The following C1orf105 variants were observed in gnomAD, a reference collection of about 807,000 sequenced individuals.
C1orf105 encodes the protein chromosome 1 open reading frame 105, also known as uncharacterized protein C1orf105.
In C1orf105, 17 loss-of-function variants were observed where a neutral mutation model predicts 20.8. The observed-to-expected ratio is 0.82, with a 90% CI of 0.56 to 1.23. The LOEUF is 1.23. Ranked by LOEUF, C1orf105 falls within the 50% of genes most tolerant of loss-of-function variation. The probability of loss-of-function intolerance (pLI) is 0.00; values close to 1 mark genes in which losing one functional copy is unlikely to be tolerated. For missense variants in C1orf105, 219 were observed against 213.5 expected (o/e 1.03, Z -0.16); for synonymous variants, 72 against 72.1 (o/e 1.00, Z 0.01).
At chr1:172,447,740 T>A (rs2149176219) in intron 2 of C1orf105, among the ~76,000 whole-genome samples, 1 of 152,334 alleles carries the variant, frequency 6.6e-6, no homozygotes, top group Non-Finnish European at 1.5e-5. Flanking sequence ...AGAGGAGGTG[T>A]GTTCCCGGCA....
At chr1:172,430,266 A>G in intron 1 of C1orf105, 1 of 694,952 alleles carries the variant, frequency 1.4e-6, no homozygotes, top group Non-Finnish European at 2.6e-6. Context: ...CAACTGTCAT[A>G]CTACTTTATA....
At chr1:172,439,120 A>G (rs1244901929) in intron 1 of C1orf105, among the ~76,000 whole-genome samples, 1 of 152,212 alleles carries the variant, frequency 6.6e-6, no homozygotes, top group African/African-American at 2.4e-5. Flanking sequence ...ACCGAACCTC[A>G]GTATCTCCAA....
chr1:172,432,379 G>T lies in C1orf105; in HGVS notation c.21+11473G>T, dbSNP rs539087337. On this transcript the variant is annotated intron_variant, in intron 1 of 6. Coordinates refer to ENST00000367727, the MANE Select transcript of C1orf105 (RefSeq NM_139240.4). ...CTCATACAGGTGGGTGCCTCTCTGG[G>T]ACGAAGATTCCAGAGGAAGGATCAG... Among the ~76,000 whole-genome samples, 17 of 152,296 alleles carry T rather than the reference G, an allele frequency of 1.1e-4. No individual in the cohort carries two copies. In the South Asian group the frequency reaches 3.5e-3, roughly 32 times the overall value.
At chr1:172,468,066 A>T (rs2149198551) in intron 6 of C1orf105, among the ~76,000 whole-genome samples, 5 of 152,264 alleles carry the variant, frequency 3.3e-5, no homozygotes, top group Admixed American at 3.3e-4. Flanking sequence ...AAGTCTCCTG[A>T]GAATTGAATC....
intron 3 of C1orf105, chr1:172,452,679 A>G (rs1648785257): frequency 1.6e-6 from 1 of 618,600 alleles, no homozygotes; most frequent in Non-Finnish European, 2.0e-6. Context: ...GGGTATGAGG[A>G]TGTTTCCAAT....
In C1orf105 at chr1:172,452,947, G is replaced by A. The variant is rs952043860; in HGVS notation, c.199-3468G>A. On this transcript the variant is annotated intron_variant, in intron 3 of 6. Transcript: ENST00000367727. ...CTGCTGAGCTGGTCGTAAGGAAACC[G>A]AGTGAGAAGGGAATGCAACAGAAGA... 53 of 1,537,848 alleles carry A rather than the reference G, an allele frequency of 3.4e-5. No homozygotes were observed. In the Middle Eastern group the frequency reaches 2.3e-3, roughly 66 times the overall value.
intron 6 of C1orf105, chr1:172,465,605 A>G: frequency 1.6e-6 from 1 of 632,918 alleles, no homozygotes; most frequent in Non-Finnish European, 2.9e-6. Context: ...GTTCCTTCCC[A>G]GGATCTGTCC....
intron 1 of C1orf105, among the ~76,000 whole-genome samples, chr1:172,444,815 A>T (rs1285052625): frequency 6.6e-6 from 1 of 152,192 alleles, no homozygotes; most frequent in Non-Finnish European, 1.5e-5. Context: ...AGTGGAAATA[A>T]AAGTCAGAAA....
At chr1:172,444,343 CTTT>C (rs1647722357) in intron 1 of C1orf105, 1 of 972,344 alleles carries the variant, frequency 1.0e-6, no homozygotes, top group African/African-American at 1.8e-5. Context: ...ATAATGGCCG[CTTT>C]TGTTGCGCTC....
chr1:172,430,222 T>A lies in C1orf105; in HGVS notation c.21+9316T>A, dbSNP rs117575666. ...GTTTAAATATAAGAGACTGACTAGATCACTGAATTTAAGTGATGAGTAACT... is the reference window on the plus strand; with the variant it reads ...GTTTAAATATAAGAGACTGACTAGAACACTGAATTTAAGTGATGAGTAACT... On this transcript the variant is annotated intron_variant, in intron 1 of 6. Transcript: ENST00000367727. 4.8e-3 allele frequency: 3,126 copies of A among 657,064 alleles called. 90 individuals are homozygous for A. The East Asian group carries it at 0.067, about 14-fold the overall frequency. The allele number at this position is 657,064 out of a possible 1,614,324, so 40.7% of individuals were successfully genotyped here. A position where few individuals can be genotyped will look rare whatever the true frequency, so the allele number is the denominator to read the frequency against.
intron 5 of C1orf105, among the ~76,000 whole-genome samples, chr1:172,464,665 A>G (rs1031579912): frequency 6.6e-6 from 1 of 150,382 alleles, no homozygotes; most frequent in Non-Finnish European, 1.5e-5. Flanking sequence ...TTTTCTGGAA[A>G]TTGAAGAACT....
intron 2 of C1orf105, among the ~76,000 whole-genome samples, chr1:172,445,783 G>A (rs980305672): frequency 1.3e-5 from 2 of 152,166 alleles, no homozygotes; most frequent in African/African-American, 4.8e-5. Flanking sequence ...TGGACAGAAG[G>A]GTAGGTGTGA....
At chr1:172,439,097 G>C (rs2072133149) in intron 1 of C1orf105, among the ~76,000 whole-genome samples, 2 of 152,152 alleles carry the variant, frequency 1.3e-5, no homozygotes, top group African/African-American at 4.8e-5. Context: ...TAGCTTTATT[G>C]TAGTGGTCTG....
At chr1:172,449,442 G>A (rs768318620) in intron 3 of C1orf105, among the ~76,000 whole-genome samples, 10 of 152,140 alleles carry the variant, frequency 6.6e-5, no homozygotes, top group Non-Finnish European at 1.5e-4. Context: ...CATCTGCACT[G>A]GACCTAGAAG....
intron 4 of C1orf105, among the ~76,000 whole-genome samples, chr1:172,457,461 T>C (rs895563635): frequency 1.3e-5 from 2 of 152,270 alleles, no homozygotes; most frequent in East Asian, 3.8e-4. Flanking sequence ...GTGGCACTTT[T>C]GTGAAATTTT....
intron 1 of C1orf105, among the ~76,000 whole-genome samples, chr1:172,422,112 T>G (rs2071606383): frequency 6.6e-6 from 1 of 151,284 alleles, no homozygotes. Context: ...TCTGAGCCAG[T>G]GGACTGGGGA....
chr1:172,441,452 C>T (rs1029501086), intron 1 of C1orf105: 1 of 269,568 alleles, frequency 3.7e-6, no homozygotes, highest in African/African-American at 2.2e-5. Flanking sequence ...CATGAGACAA[C>T]TTGATGGATG....
intron 5 of C1orf105, among the ~76,000 whole-genome samples, chr1:172,463,695 T>G (rs1249762965): frequency 6.6e-6 from 1 of 152,250 alleles, no homozygotes; most frequent in Non-Finnish European, 1.5e-5. Context: ...GTTGCCCCAT[T>G]TTACTTATCT....
rs950892593 is a variant in C1orf105, at chr1:172,468,688, C to G, written c.*94C>G. ...TGGCACCTTCTCCTCACAATTTTCT[C>G]TCTTCTCCCAAAAGATGATTTAATT... On this transcript the variant is annotated 3_prime_UTR_variant, in exon 7 of 7. Transcript: ENST00000367727. The G allele has an allele frequency of 3.0e-6, 4 of 1,351,624 alleles. No individual in the cohort carries two copies. The highest frequency in any genetic ancestry group is 1.5e-5 in the South Asian group (1 of 67,490). 83.7% of individuals were successfully genotyped at this position (1,351,624 alleles called of 1,614,324 possible).
Sources: gnomAD v4.1 joint callset for allele counts (sites outside exome capture counted in the v4.1 genomes callset) on GRCh38, gnomAD v4.1.1 for gene constraint, MANE v1.5 for transcripts, NCBI Gene and HGNC (gene_info 2026-07-23, HGNC 2026-07-21) for gene names.